LINGO2: variants seen among roughly 807,000 people sequenced by gnomAD.
LINGO2 encodes leucine-rich repeat and immunoglobulin-like domain-containing nogo receptor-interacting protein 2.
Under a neutral mutation model 30.6 loss-of-function variants are expected in LINGO2, and 14 were observed. The ratio of observed to expected loss-of-function variants is 0.46; its 90% confidence interval spans 0.30 to 0.72. The LOEUF (loss-of-function observed/expected upper bound fraction) is 0.72. LINGO2 is among the 30% of genes least tolerant of loss of function. The pLI is 0.07. For missense variants in LINGO2, 729 were observed against 751.7 expected (o/e 0.97, Z 0.35); for synonymous variants, 317 against 288.5 (o/e 1.10, Z -1.00).
intron 1 of LINGO2, among the ~76,000 whole-genome samples, chr9:28,597,966 T>C (rs1342058559): frequency 6.6e-6 from 1 of 152,074 alleles, no homozygotes; most frequent in African/African-American, 2.4e-5. Context: ...GGCTTCACTA[T>C]GTTGCCCAGG....
the LINGO2 span, among the ~76,000 whole-genome samples, chr9:29,117,328 G>T: frequency 2.0e-5 from 3 of 152,134 alleles, no homozygotes; most frequent in African/African-American, 7.2e-5. Context: ...AGCCCCGATT[G>T]TTAGTATTTG....
the LINGO2 span, among the ~76,000 whole-genome samples, chr9:28,866,015 T>G: frequency 6.6e-6 from 1 of 152,174 alleles, no homozygotes; most frequent in African/African-American, 2.4e-5. Context: ...AGTCGGGTAC[T>G]TGGCTTTGCT....
chr9:28,176,464 T>C (rs1231766464), intron 4 of LINGO2, among the ~76,000 whole-genome samples: 3 of 152,224 alleles, frequency 2.0e-5, no homozygotes, highest in African/African-American at 4.8e-5. Flanking sequence ...CTCCATTAGA[T>C]GGTTATATCA....
At chr9:29,020,787 A>G in the LINGO2 span, among the ~76,000 whole-genome samples, 5 of 152,162 alleles carry the variant, frequency 3.3e-5, no homozygotes, top group Non-Finnish European at 7.3e-5. Context: ...GATGATGACA[A>G]TGGTATACAA....
At chr9:28,386,459 G>T (rs1195569088) in intron 2 of LINGO2, among the ~76,000 whole-genome samples, 2 of 152,044 alleles carry the variant, frequency 1.3e-5, no homozygotes, top group African/African-American at 4.8e-5. Flanking sequence ...TAATGATGAA[G>T]AAAGATTAGA....
intron 1 of LINGO2, among the ~76,000 whole-genome samples, chr9:28,583,653 G>C (rs1521740): frequency 0.17 from 25,377 of 151,880 alleles, 2,558 homozygotes; most frequent in Admixed American, 0.31. Flanking sequence ...ACATTTTGGT[G>C]GATATTTATC....
In LINGO2 at chr9:28,007,098, T is replaced by C. The variant is rs143439051; in HGVS notation, c.-36+5257A>G. Among the ~76,000 whole-genome samples the C allele has an allele frequency of 5.1e-3, 783 of 152,276 alleles. 12 individuals are homozygous for C. Among genetic ancestry groups the C allele is most frequent in the African/African-American group, 0.018 (748 of 41,562 alleles). On this transcript the variant is annotated intron_variant, in intron 5 of 5. Coordinates refer to ENST00000379992, the Ensembl canonical transcript of LINGO2. The stretch of plus-strand genomic sequence containing the variant: ...TGTTTCATAAAGCTAGTAACTCCTC[T>C]TTAAAACAAAATCACTTACGTAGCA...
the LINGO2 span, among the ~76,000 whole-genome samples, chr9:29,057,251 G>A: frequency 2.6e-5 from 4 of 151,868 alleles, no homozygotes; most frequent in Non-Finnish European, 5.9e-5. Context: ...ATTTGTTTGT[G>A]TCATCTAAAA....
chr9:28,726,579 T>C, the LINGO2 span, among the ~76,000 whole-genome samples: 1 of 152,186 alleles, frequency 6.6e-6, no homozygotes, highest in African/African-American at 2.4e-5. Flanking sequence ...GAACAATCTT[T>C]AAATTTGCAG....
At chr9:28,680,340 A>G in the LINGO2 span, among the ~76,000 whole-genome samples, 17 of 151,962 alleles carry the variant, frequency 1.1e-4, 1 homozygote, top group East Asian at 1.7e-3. Flanking sequence ...GTATATTTAT[A>G]TTTTCTTTAT....
At chr9:29,168,696 T>C in the LINGO2 span, among the ~76,000 whole-genome samples, 3 of 152,070 alleles carry the variant, frequency 2.0e-5, no homozygotes, top group Non-Finnish European at 4.4e-5. Context: ...AAAGCAAATA[T>C]GTAAGGGCAG....
the LINGO2 span, among the ~76,000 whole-genome samples, chr9:28,872,090 T>C: frequency 6.6e-6 from 1 of 151,982 alleles, no homozygotes; most frequent in Non-Finnish European, 1.5e-5. Flanking sequence ...ATGCCTTTAC[T>C]CATAAAATCA....
chr9:28,630,051 T>C (rs767859468), intron 1 of LINGO2, among the ~76,000 whole-genome samples: 1 of 151,882 alleles, frequency 6.6e-6, no homozygotes, highest in Non-Finnish European at 1.5e-5. Context: ...GATAGTTTAC[T>C]GAGAATGATG....
chr9:28,023,274 T>C (rs1823222603), intron 4 of LINGO2, among the ~76,000 whole-genome samples: 1 of 152,236 alleles, frequency 6.6e-6, no homozygotes, highest in Non-Finnish European at 1.5e-5. Context: ...CTGAGGTAAA[T>C]GTACCTTAAC....
chr9:28,416,112 T>C (rs1822956389), intron 2 of LINGO2, among the ~76,000 whole-genome samples: 1 of 152,154 alleles, frequency 6.6e-6, no homozygotes, highest in South Asian at 2.1e-4. Flanking sequence ...TTAGGCAAAA[T>C]TGCTCATTAT....
the LINGO2 span, among the ~76,000 whole-genome samples, chr9:28,718,218 C>T: frequency 5.6e-4 from 84 of 151,058 alleles, no homozygotes; most frequent in African/African-American, 1.9e-3. Flanking sequence ...AGGTTTAATA[C>T]CAGTTAAGAT....
intron 1 of LINGO2, among the ~76,000 whole-genome samples, chr9:28,507,814 A>T (rs887463523): frequency 2.1e-4 from 32 of 152,210 alleles, no homozygotes; most frequent in African/African-American, 7.7e-4. Context: ...TGAGTTTCTC[A>T]TATGTTATAA....
the LINGO2 span, among the ~76,000 whole-genome samples, chr9:28,741,005 T>C: frequency 6.6e-6 from 1 of 151,962 alleles, no homozygotes; most frequent in East Asian, 1.9e-4. Context: ...GGGATGGTCC[T>C]GGTACCTGGT....
the LINGO2 span, among the ~76,000 whole-genome samples, chr9:28,810,525 T>A: frequency 2.6e-5 from 4 of 152,156 alleles, no homozygotes; most frequent in African/African-American, 4.8e-5. Context: ...AAAAGGCTCC[T>A]GATAGAGTTC....
Sources: allele counts gnomAD v4.1 joint callset (sites outside exome capture counted in the v4.1 genomes callset), GRCh38; gene constraint gnomAD v4.1.1; transcripts MANE v1.5; gene names NCBI Gene and HGNC (gene_info 2026-07-23, HGNC 2026-07-21).